SPATA22: variants seen among roughly 807,000 people sequenced by gnomAD.
SPATA22 encodes spermatogenesis-associated protein 22.
A neutral mutation model predicts 47.8 loss-of-function variants in SPATA22; 29 were observed. The ratio of observed to expected loss-of-function variants is 0.61; its 90% confidence interval spans 0.45 to 0.83. The LOEUF is 0.83. SPATA22 is among the 40% of genes least tolerant of loss of function. The pLI, the probability that SPATA22 is intolerant of heterozygous loss-of-function variation, is 0.00. For missense variants in SPATA22, 410 were observed against 421.7 expected (o/e 0.97, Z 0.24); for synonymous variants, 133 against 140.9 (o/e 0.94, Z 0.40).
Position 3,469,297 on chromosome 17 carries a change from G to GC in SPATA22, c.28dup (p.Ala10GlyfsTer26). On this transcript the variant is annotated frameshift_variant, in exon 2 of 9. Transcript: ENST00000572969. LOFTEE classifies it high-confidence loss of function. ...TTGTTCAATACCTGCTGTACTTCGA[G>GC]CTGAATTTTCATTTAGGCTTCGCTT... The GC allele has an allele frequency of 6.4e-7, 1 of 1,555,062 alleles. No individual in the cohort carries two copies. Among genetic ancestry groups the GC allele is most frequent in the Non-Finnish European group, 8.8e-7 (1 of 1,139,424 alleles).
rs145731380 is a variant in SPATA22, at chr17:3,485,934, CT to C, written c.-73-16537del. On this transcript the variant is annotated intron_variant, in intron 1 of 8. Coordinates refer to the SPATA22 transcript ENST00000541913. This position sits in a 1 kb window ranked among gnomAD's most constrained non-coding sequence, Gnocchi z 4.4. Reference sequence around the variant, plus strand: ...CAGTGGTTGCATTCTAGGAGGGAACCTTTTTTTTTTTTTTTGAGACGGAGTT... The same window carrying C: ...CAGTGGTTGCATTCTAGGAGGGAACCTTTTTTTTTTTTTTGAGACGGAGTT... 0.36 allele frequency among the ~76,000 whole-genome samples: 50,906 copies of C among 142,198 alleles called. 10,661 individuals are homozygous for C. Among genetic ancestry groups the C allele is most frequent in the Non-Finnish European group, 0.5 (33,004 of 65,458 alleles). 93.3% of individuals were successfully genotyped at this position (142,198 alleles called of 152,430 possible).
At chr17:3,472,834 A>G (rs117422673), upstream of SPATA22, among the ~76,000 whole-genome samples, 889 of 152,366 alleles carry the variant, frequency 5.8e-3, 4 homozygotes, top group Non-Finnish European at 9.8e-3. Flanking sequence ...GAAGAGTGTT[A>G]GAAAATAATA....
intron 1 of SPATA22, among the ~76,000 whole-genome samples, chr17:3,507,165 T>C (rs2074048601): frequency 6.6e-6 from 1 of 152,152 alleles, no homozygotes; most frequent in Admixed American, 6.5e-5. Context: ...ACTACAGCTA[T>C]TGATATGGAA....
chr17:3,493,406 C>G (rs1199667764), intron 1 of SPATA22, among the ~76,000 whole-genome samples: 1 of 151,760 alleles, frequency 6.6e-6, no homozygotes, highest in Non-Finnish European at 1.5e-5. Context: ...ACTAAAAATA[C>G]AAAAATTAGC....
chr17:3,450,263 G>A (rs1325708934), intron 5 of SPATA22, among the ~76,000 whole-genome samples: 1 of 152,146 alleles, frequency 6.6e-6, no homozygotes, highest in African/African-American at 2.4e-5. Flanking sequence ...AGAGGTCTAG[G>A]TACACTGCTG....
rs1168312884 is a variant in SPATA22, at chr17:3,485,618, A to T, written c.-73-16220T>A. Among the ~76,000 whole-genome samples the T allele has an allele frequency of 1.3e-5, 2 of 152,202 alleles. No individual in the cohort carries two copies. The highest frequency in any genetic ancestry group is 2.4e-5 in the African/African-American group (1 of 41,456). ...TTTGACTGGATCAGAAAGGCAAGGG[A>T]TCTGTTTCTCCAAAGTGCTTGTGCT... On this transcript the variant is annotated intron_variant, in intron 1 of 8. Transcript: ENST00000541913. The surrounding 1 kb of genome is among the most constrained non-coding windows in gnomAD (Gnocchi z 4.4).
chr17:3,471,219 AAAGGAAAATATTCT>A (rs1284266820), intron 1 of SPATA22, among the ~76,000 whole-genome samples: 1 of 152,118 alleles, frequency 6.6e-6, no homozygotes, highest in Non-Finnish European at 1.5e-5. Flanking sequence ...AAAGGAAAGG[AAAGGAAAATATTCT>A]TGGCGCCATC....
At chr17:3,446,700 C>G in intron 6 of SPATA22, 99 bp from the exon 7 acceptor site, 1 of 973,428 alleles carries the variant, frequency 1.0e-6, no homozygotes, top group Non-Finnish European at 1.5e-6. Flanking sequence ...TTACAATGGA[C>G]AAGTGTGTAA....
intron 1 of SPATA22, among the ~76,000 whole-genome samples, chr17:3,507,352 T>G (rs921769162): frequency 6.6e-6 from 1 of 152,218 alleles, no homozygotes; most frequent in African/African-American, 2.4e-5. Context: ...TAAATATTCA[T>G]GTCCTTCTCC....
At chr17:3,513,641 G>C (rs545675279) in exon 1 of SPATA22, 15 of 346,344 alleles carry the variant, frequency 4.3e-5, no homozygotes, top group Non-Finnish European at 7.3e-5. Context: ...GGCTTCACCC[G>C]GGACTTCAGG....
chr17:3,468,836 A>AT, intron 2 of SPATA22: 1 of 794,444 alleles, frequency 1.3e-6, no homozygotes, highest in East Asian at 1.2e-4. Context: ...AATAGTTACT[A>AT]TTATCTTCAT....
chr17:3,448,683 T>A, intron 6 of SPATA22, 124 bp downstream of exon 6: 5 of 690,394 alleles, frequency 7.2e-6, no homozygotes, highest in Non-Finnish European at 6.9e-6. Context: ...TGAATATTTA[T>A]GCTAATCAAG....
intron 5 of SPATA22, among the ~76,000 whole-genome samples, chr17:3,457,477 A>T (rs552401471): frequency 1.3e-5 from 2 of 151,556 alleles, no homozygotes; most frequent in South Asian, 4.2e-4. Flanking sequence ...AATAGAAAAA[A>T]CAATCCTAAA....
intron 1 of SPATA22, among the ~76,000 whole-genome samples, chr17:3,469,629 T>C (rs905445878): frequency 1.3e-5 from 2 of 152,214 alleles, no homozygotes; most frequent in Non-Finnish European, 2.9e-5. Flanking sequence ...TATGTGCATT[T>C]TTTCACACAG....
At chr17:3,487,312 G>A (rs2150751948) in intron 1 of SPATA22, among the ~76,000 whole-genome samples, 1 of 152,218 alleles carries the variant, frequency 6.6e-6, no homozygotes, top group African/African-American at 2.4e-5. Flanking sequence ...TTCCCAGTGA[G>A]TGCATGATAT....
chr17:3,487,873 T>C (rs2073755725), intron 1 of SPATA22, among the ~76,000 whole-genome samples: 1 of 152,226 alleles, frequency 6.6e-6, no homozygotes, highest in African/African-American at 2.4e-5. Flanking sequence ...TATTCTATAG[T>C]ATTCCTACAG....
intron 1 of SPATA22, chr17:3,499,180 CA>C: frequency 7.3e-7 from 1 of 1,367,332 alleles, no homozygotes; most frequent in South Asian, 1.3e-5. Context: ...TATTCAACTG[CA>C]TACATAGCTC....
chr17:3,471,256 A>G (rs1057360602), intron 1 of SPATA22, among the ~76,000 whole-genome samples: 6 of 152,194 alleles, frequency 3.9e-5, no homozygotes, highest in Non-Finnish European at 5.9e-5. Flanking sequence ...AGGAGCCACA[A>G]CAGGGATTCT....
chr17:3,460,792 CAA>C (rs71379504), intron 5 of SPATA22, among the ~76,000 whole-genome samples: 4 of 60,084 alleles, frequency 6.7e-5, no homozygotes, highest in African/African-American at 1.6e-4. Context: ...GATCCAGTCT[CAA>C]AAAAAAAAAA....
Sources: gnomAD v4.1 joint callset for allele counts (sites outside exome capture counted in the v4.1 genomes callset) on GRCh38, gnomAD v4.1.1 for gene constraint, Gnocchi (gnomAD v3.1) non-coding constraint, MANE v1.5 for transcripts, NCBI Gene and HGNC (gene_info 2026-07-23, HGNC 2026-07-21) for gene names.